PTPRT: variants seen among roughly 807,000 people sequenced by gnomAD.
The protein encoded by PTPRT is protein tyrosine phosphatase receptor type T, also known as receptor-type tyrosine-protein phosphatase T.
A neutral mutation model predicts 176.8 loss-of-function variants in PTPRT; 56 were observed. The ratio of observed to expected loss-of-function variants is 0.32; its 90% CI spans 0.26 to 0.40. The LOEUF (loss-of-function observed/expected upper bound fraction) is 0.40, where lower values mean the gene tolerates loss of function less well. Ranked by LOEUF, PTPRT falls within the 10% of genes least tolerant of loss-of-function variation. PTPRT has a pLI of 1.00. For synonymous variants in PTPRT, 783 were observed against 739.0 expected, an observed-to-expected ratio of 1.06 and a Z score of -0.96; for missense variants, 1,540 against 1,908.2, an observed-to-expected ratio of 0.81 and a Z score of 3.60.
chr20:42,932,231 C>T (rs922088217), intron 1 of PTPRT, among the ~76,000 whole-genome samples: 1 of 152,216 alleles, frequency 6.6e-6, no homozygotes, highest in African/African-American at 2.4e-5. Flanking sequence ...TAGAGCCAAG[C>T]CTAGGGGAAA....
At chr20:42,421,336 C>A (rs147033791) in intron 9 of PTPRT, among the ~76,000 whole-genome samples, 1 of 151,892 alleles carries the variant, frequency 6.6e-6, no homozygotes, top group Non-Finnish European at 1.5e-5. Context: ...GGTTGGGTGG[C>A]GGTCTCCAAA....
At chr20:42,255,931 A>G (rs774498494) in intron 13 of PTPRT, among the ~76,000 whole-genome samples, 1 of 152,198 alleles carries the variant, frequency 6.6e-6, no homozygotes, top group Admixed American at 6.5e-5. Context: ...ATCCAAGGGC[A>G]TATTATCCCC....
chr20:42,222,830 C>A (rs138949600), intron 15 of PTPRT, among the ~76,000 whole-genome samples: 103 of 152,280 alleles, frequency 6.8e-4, no homozygotes, highest in African/African-American at 2.4e-3. Flanking sequence ...TTAGTTGAAC[C>A]CAAAGAAGGG....
At chr20:42,335,147 G>C (rs989092125) in intron 11 of PTPRT, among the ~76,000 whole-genome samples, 1 of 152,210 alleles carries the variant, frequency 6.6e-6, no homozygotes, top group Non-Finnish European at 1.5e-5. Flanking sequence ...TCTGATGTTG[G>C]AGTAGTCAAG....
intron 7 of PTPRT, among the ~76,000 whole-genome samples, chr20:42,670,721 G>A (rs1039548046): frequency 3.3e-5 from 5 of 152,204 alleles, no homozygotes; most frequent in African/African-American, 1.2e-4. Flanking sequence ...TCCCAGGCAA[G>A]GGGCCTTTGA....
intron 1 of PTPRT, among the ~76,000 whole-genome samples, chr20:42,996,916 A>G (rs1425377271): frequency 6.6e-6 from 1 of 152,220 alleles, no homozygotes; most frequent in Non-Finnish European, 1.5e-5. Context: ...TAAAGTGCTC[A>G]AAAGAGTAGC....
At chr20:42,765,776 ACT>A (rs1383713612) in intron 5 of PTPRT, among the ~76,000 whole-genome samples, 2 of 151,990 alleles carry the variant, frequency 1.3e-5, no homozygotes, top group Non-Finnish European at 2.9e-5. Flanking sequence ...TGACTCTATA[ACT>A]CATCCTTTTC....
chr20:42,354,255 A>G (rs1476485098), intron 9 of PTPRT, among the ~76,000 whole-genome samples: 1 of 152,202 alleles, frequency 6.6e-6, no homozygotes, highest in African/African-American at 2.4e-5. Flanking sequence ...TTAACAGCAT[A>G]GACGAGTTTT....
intron 2 of PTPRT, among the ~76,000 whole-genome samples, chr20:42,795,936 T>C (rs1389495232): frequency 6.6e-6 from 1 of 152,238 alleles, no homozygotes; most frequent in African/African-American, 2.4e-5. Context: ...CAGGTAACAG[T>C]GAGCCCAATG....
intron 9 of PTPRT, among the ~76,000 whole-genome samples, chr20:42,408,556 A>G (rs2058982701): frequency 6.6e-6 from 1 of 152,026 alleles, no homozygotes; most frequent in African/African-American, 2.4e-5. Context: ...CTTCAAAACA[A>G]CTAACCTTTA....
chr20:42,380,675 T>TC (rs1311108230), intron 9 of PTPRT, among the ~76,000 whole-genome samples: 8 of 152,222 alleles, frequency 5.3e-5, no homozygotes, highest in African/African-American at 1.4e-4. Context: ...ATTGCACTTA[T>TC]CATGCTGTCT....
Position 42,078,515 on chromosome 20 carries a change from TCA to T in PTPRT, c.*2362_*2363del, listed in dbSNP as rs1982998733. 1 of 201,514 alleles carries T rather than the reference TCA, an allele frequency of 5.0e-6. No homozygotes were observed. The highest frequency in any genetic ancestry group is 6.0e-5 in the Admixed American group (1 of 16,594). The allele number at this position is 201,514 out of a possible 1,614,324, so 12.5% of individuals were successfully genotyped here. On this transcript the variant is annotated 3_prime_UTR_variant, in exon 31 of 31. Coordinates refer to ENST00000373187, the MANE Select transcript of PTPRT (RefSeq NM_007050.6). ...AAAGTGCACGCTTAAGGGAATGTTT[TCA>T]CAGTGTCTGATGAAAGGAAAAGAGG...
chr20:42,755,384 T>G (rs1362780195), intron 6 of PTPRT, among the ~76,000 whole-genome samples: 3 of 151,804 alleles, frequency 2.0e-5, no homozygotes, highest in East Asian at 1.9e-4. Context: ...ATCAGTGGGG[T>G]TTTTTTTGTT....
chr20:42,305,398 T>C (rs958599254), intron 12 of PTPRT, among the ~76,000 whole-genome samples: 1 of 152,054 alleles, frequency 6.6e-6, no homozygotes, highest in Non-Finnish European at 1.5e-5. Flanking sequence ...TGAACATGTA[T>C]ACATACATAC....
chr20:42,945,124 T>C (rs73273613), intron 1 of PTPRT, among the ~76,000 whole-genome samples: 7,260 of 149,020 alleles, frequency 0.049, 487 homozygotes, highest in African/African-American at 0.15. Context: ...ATATATATAC[T>C]TTATATATTA....
At chr20:42,236,197 C>T (rs762215442) in intron 15 of PTPRT, 32 bp downstream of exon 15, 31 of 1,564,604 alleles carry the variant, frequency 2.0e-5, no homozygotes, top group African/African-American at 2.7e-5. Flanking sequence ...TTACAGGGCA[C>T]GAAGCAAAGT....
At chr20:42,123,547 CT>C (rs1568951700) in intron 19 of PTPRT, among the ~76,000 whole-genome samples, 1 of 152,200 alleles carries the variant, frequency 6.6e-6, no homozygotes, top group Non-Finnish European at 1.5e-5. Context: ...GGTTGATTGG[CT>C]CCTTAAACCT....
intron 23 of PTPRT, among the ~76,000 whole-genome samples, chr20:42,110,088 C>A (rs1269907401): frequency 6.6e-6 from 1 of 150,688 alleles, no homozygotes; most frequent in Non-Finnish European, 1.5e-5. Flanking sequence ...GCTCTGTCAC[C>A]CAGGCTGGAG....
intron 1 of PTPRT, among the ~76,000 whole-genome samples, chr20:42,938,241 A>G (rs539514861): frequency 1.1e-4 from 17 of 152,346 alleles, no homozygotes; most frequent in South Asian, 6.2e-4. Flanking sequence ...TGGAATGTGC[A>G]TATCAGTATC....
Sources: allele counts gnomAD v4.1 joint callset (sites outside exome capture counted in the v4.1 genomes callset), GRCh38; gene constraint gnomAD v4.1.1; transcripts MANE v1.5; gene names NCBI Gene and HGNC (gene_info 2026-07-23, HGNC 2026-07-21).